Variants in SRGAP2C observed in about 807,000 individuals in gnomAD.
SRGAP2C encodes SLIT-ROBO Rho GTPase activating protein 2C.
SRGAP2C carries 15 observed loss-of-function variants against 25.1 expected under a neutral mutation model. The ratio of observed to expected loss-of-function variants is 0.60; its 90% CI spans 0.40 to 0.92. The LOEUF (loss-of-function observed/expected upper bound fraction) is 0.92. Among genes scored for constraint, SRGAP2C ranks in the 40% least tolerant of loss-of-function variants. SRGAP2C has a pLI of 0.00. For synonymous variants in SRGAP2C, 44 were observed against 96.6 expected (o/e 0.46, Z 3.19); for missense variants, 144 against 264.4 (o/e 0.54, Z 3.16).
At chr1:121,236,180 G>A (rs1490452444) in intron 2 of SRGAP2C, among the ~76,000 whole-genome samples, 3 of 151,562 alleles carry the variant, frequency 2.0e-5, no homozygotes, top group African/African-American at 7.3e-5. Flanking sequence ...TTGGGCTCTA[G>A]GACTGAATTA....
intron 2 of SRGAP2C, among the ~76,000 whole-genome samples, chr1:121,202,156 T>TA (rs1245178158): frequency 2.6e-5 from 4 of 152,174 alleles, no homozygotes; most frequent in African/African-American, 9.7e-5. Flanking sequence ...TGAAATAGTT[T>TA]AAAGAAGAGA....
rs1659592408 is a variant in SRGAP2C at position 121,374,734 on chromosome 1, TGTA to T, written c.703-89_703-87del. The T allele has an allele frequency of 4.5e-6, 3 of 670,192 alleles. No homozygotes were observed. The African/African-American group carries it at 5.4e-5, about 12-fold the overall frequency. The allele number at this position is 670,192 out of a possible 1,614,324, so 41.5% of individuals were successfully genotyped here. ...TGCGCATAGGGAGTAGCAACACAAT[TGTA>T]GTTCTTGAATACACTGTACTTTTAT... On this transcript the variant is annotated intron_variant, in intron 6 of 9. Transcript: ENST00000367123.
At chr1:121,313,612 G>A (rs1431066723) in intron 3 of SRGAP2C, among the ~76,000 whole-genome samples, 2 of 130,680 alleles carry the variant, frequency 1.5e-5, no homozygotes, top group African/African-American at 6.0e-5. Flanking sequence ...CTCTTTTAGG[G>A]CAGGCCTGGT....
At chr1:121,305,234 CTG>C (rs1161774177) in intron 3 of SRGAP2C, among the ~76,000 whole-genome samples, 2 of 151,764 alleles carry the variant, frequency 1.3e-5, no homozygotes, top group African/African-American at 4.9e-5. Context: ...ATCTGCTCAG[CTG>C]TAGGCCATGA....
intron 2 of SRGAP2C, among the ~76,000 whole-genome samples, chr1:121,191,976 A>T (rs1465848000): frequency 6.8e-6 from 1 of 147,252 alleles, no homozygotes; most frequent in Non-Finnish European, 1.5e-5. Flanking sequence ...TGTAATTTCC[A>T]TCTGGAGCAT....
chr1:121,258,647 G>C (rs1409103230), intron 2 of SRGAP2C, among the ~76,000 whole-genome samples: 1 of 144,350 alleles, frequency 6.9e-6, no homozygotes, highest in Non-Finnish European at 1.5e-5. Context: ...TGTATTTTTA[G>C]TAGAGACGAG....
chr1:121,222,172 G>A (rs1380829594), intron 2 of SRGAP2C, among the ~76,000 whole-genome samples: 1 of 152,122 alleles, frequency 6.6e-6, no homozygotes, highest in Non-Finnish European at 1.5e-5. Flanking sequence ...GGAAACTAAG[G>A]CTCAGAAATT....
intron 2 of SRGAP2C, among the ~76,000 whole-genome samples, chr1:121,263,055 T>C (rs1656665036): frequency 1.3e-5 from 2 of 152,056 alleles, no homozygotes; most frequent in Non-Finnish European, 2.9e-5. Context: ...CTGGCAAACA[T>C]AGTAATAAGA....
intron 3 of SRGAP2C, among the ~76,000 whole-genome samples, chr1:121,314,770 G>A (rs1367936943): frequency 5.3e-5 from 8 of 151,780 alleles, no homozygotes; most frequent in Non-Finnish European, 1.2e-4. Context: ...ACTTGAGGAG[G>A]CAGTCTGCCC....
chr1:121,348,503 T>A (rs1314680951), intron 4 of SRGAP2C, among the ~76,000 whole-genome samples: 1 of 152,098 alleles, frequency 6.6e-6, no homozygotes, highest in Non-Finnish European at 1.5e-5. Flanking sequence ...TCTGCTTGTA[T>A]GATTCTCTTT....
chr1:121,244,299 T>C (rs1656189373), intron 2 of SRGAP2C, among the ~76,000 whole-genome samples: 1 of 117,024 alleles, frequency 8.5e-6, no homozygotes, highest in African/African-American at 3.5e-5. Context: ...TCGCATGTAT[T>C]ACTTTGGTAA....
At chr1:121,304,177 C>T (rs1657768437) in intron 3 of SRGAP2C, among the ~76,000 whole-genome samples, 3 of 138,196 alleles carry the variant, frequency 2.2e-5, no homozygotes, top group African/African-American at 2.7e-5. Flanking sequence ...TGCCACTGCA[C>T]TCCAGCCTGG....
intron 1 of SRGAP2C, among the ~76,000 whole-genome samples, chr1:121,186,491 C>T (rs1425962836): frequency 1.4e-4 from 17 of 121,250 alleles, no homozygotes; most frequent in African/African-American, 5.1e-4. Context: ...GGTGGCTTGT[C>T]CCTCCCCGGC....
chr1:121,267,923 C>A lies in SRGAP2C; in HGVS notation c.68-16880C>A, dbSNP rs1253243489. 5.9e-5 allele frequency among the ~76,000 whole-genome samples: 9 copies of A among 151,776 alleles called. 1 individual carries two copies. The highest frequency in any genetic ancestry group is 1.3e-4 in the Non-Finnish European group (9 of 67,884). ...AAATACTCATTATAAAAAATTCAAG[C>A]AAAACTGTAAAGTAAAAAGAAGCCA... On this transcript the variant is annotated intron_variant, in intron 2 of 9. Coordinates refer to ENST00000367123, the MANE Select transcript of SRGAP2C (RefSeq NM_001329984.2).
At chr1:121,263,214 C>T (rs587628665) in intron 2 of SRGAP2C, among the ~76,000 whole-genome samples, 117 of 150,698 alleles carry the variant, frequency 7.8e-4, no homozygotes, top group African/African-American at 2.5e-3. Context: ...ATCCTAGCTA[C>T]TCCAGAGGCT....
At chr1:121,351,258 G>T (rs1359179466) in intron 4 of SRGAP2C, among the ~76,000 whole-genome samples, 1 of 149,314 alleles carries the variant, frequency 6.7e-6, no homozygotes, top group Non-Finnish European at 1.5e-5. Flanking sequence ...ATACCCAAGA[G>T]AATTGAAAAC....
chr1:121,323,541 G>C (rs1374206025), intron 3 of SRGAP2C, among the ~76,000 whole-genome samples: 2 of 118,878 alleles, frequency 1.7e-5, no homozygotes, highest in Non-Finnish European at 1.7e-5. Flanking sequence ...TCTTGAAAGC[G>C]GGAGGCGGAG....
chr1:121,392,366 TTC>T lies in SRGAP2C; in HGVS notation c.*4515_*4516del, dbSNP rs369787832. ...TCGCCTTCATTATCCCTTTCGCTGT[TTC>T]TCTTTCTCCCTTTCTCTTTTTTCTT... On this transcript the variant is annotated 3_prime_UTR_variant, in exon 10 of 10. Coordinates refer to ENST00000367123, the MANE Select transcript of SRGAP2C (RefSeq NM_001329984.2). 2.0e-5 allele frequency: 3 copies of T among 152,194 alleles called. No homozygotes were observed. The highest frequency in any genetic ancestry group is 2.1e-4 in the South Asian group (1 of 4,836). 9.4% of individuals were successfully genotyped at this position (152,194 alleles called of 1,614,324 possible).
intron 2 of SRGAP2C, among the ~76,000 whole-genome samples, chr1:121,192,520 GA>G (rs1488446563): frequency 6.7e-6 from 1 of 149,566 alleles, no homozygotes; most frequent in Non-Finnish European, 1.5e-5. Context: ...GGAGCCAGGG[GA>G]TGCAGTGTAC....
Sources: allele counts gnomAD v4.1 joint callset (sites outside exome capture counted in the v4.1 genomes callset), GRCh38; gene constraint gnomAD v4.1.1; transcripts MANE v1.5; gene names NCBI Gene and HGNC (gene_info 2026-07-23, HGNC 2026-07-21).